The following EFCAB8 variants were observed in gnomAD, a reference collection of about 807,000 sequenced individuals.
EFCAB8 encodes EF-hand calcium-binding domain-containing protein 8.
EFCAB8 carries 100 observed loss-of-function variants against 116.3 expected under a neutral mutation model. That is an observed-to-expected ratio of 0.86 (90% CI 0.73 to 1.02). The LOEUF (loss-of-function observed/expected upper bound fraction) is 1.02, where lower values mean the gene tolerates loss of function less well. EFCAB8 is among the 50% of genes least tolerant of loss of function. The probability of loss-of-function intolerance (pLI) is 0.00; values close to 1 mark genes in which losing one functional copy is unlikely to be tolerated. For missense variants in EFCAB8, 1,320 were observed against 1,416.9 expected (o/e 0.93, Z 1.10); for synonymous variants, 558 against 567.9 (o/e 0.98, Z 0.25).
intron 21 of EFCAB8, among the ~76,000 whole-genome samples, 192 bp downstream of exon 21, chr20:32,930,808 C>T (rs1317794580): frequency 6.6e-6 from 1 of 152,134 alleles, no homozygotes; most frequent in Non-Finnish European, 1.5e-5. Context: ...TCAAAAAGCC[C>T]CTCTGAGAAG....
intron 23 of EFCAB8, among the ~76,000 whole-genome samples, chr20:32,944,201 G>A (rs998947287): frequency 2.0e-5 from 3 of 152,060 alleles, no homozygotes; most frequent in Admixed American, 6.6e-5. Context: ...AGGGCCAGGC[G>A]CGGTGGCTCA....
At chr20:32,897,103 G>A (rs941271568) in intron 10 of EFCAB8, among the ~76,000 whole-genome samples, 16 of 152,088 alleles carry the variant, frequency 1.1e-4, no homozygotes, top group Admixed American at 5.9e-4. Flanking sequence ...CCTTCAGGCC[G>A]CGGGGCTCTC....
At chr20:32,877,504 TG>T (rs771778459) in intron 4 of EFCAB8, among the ~76,000 whole-genome samples, 4 of 152,218 alleles carry the variant, frequency 2.6e-5, no homozygotes, top group Non-Finnish European at 5.9e-5. Context: ...CCATTGCACT[TG>T]GCGGTTTTTA....
In EFCAB8 at chr20:32,930,554, G is replaced by T. The variant is rs1353419016; in HGVS notation, c.2569G>T (p.Ala857Ser). Reference protein sequence around the residue: ...DLDNGDVVVGAMATDKNDWIL... With the variant: ...DLDNGDVVVGSMATDKNDWIL... ...AGACAATGGGGATGTTGTCGTGGGT[G>T]CCATGGCCACTGATAAAAATGACTG... Residue 857 changes from alanine to serine, a missense_variant, in exon 21 of 27, where the codon GCC becomes TCC. Coordinates refer to ENST00000400522, the MANE Select transcript of EFCAB8 (RefSeq NM_001143967.2). The T allele has an allele frequency of 3.2e-6, 5 of 1,552,250 alleles. No individual in the cohort carries two copies. The East Asian group carries it at 9.8e-5, about 30-fold the overall frequency.
At chr20:32,939,187 CT>C (rs1459924203) in intron 22 of EFCAB8, among the ~76,000 whole-genome samples, 2 of 67,598 alleles carry the variant, frequency 3.0e-5, no homozygotes, top group Admixed American at 1.5e-4. Context: ...TTCTTTCTTT[CT>C]TTCTTTCTTT....
chr20:32,958,617 T>TCTA, intron 24 of EFCAB8, 67 bp downstream of exon 24: 1 of 409,566 alleles, frequency 2.4e-6, no homozygotes, highest in Non-Finnish European at 4.5e-6. Flanking sequence ...TCTTCCCAGG[T>TCTA]CCTGGGAAGC....
intron 3 of EFCAB8, 127 bp from the exon 4 acceptor site, chr20:32,875,799 G>A (rs958790106): frequency 1.3e-5 from 10 of 754,998 alleles, no homozygotes; most frequent in South Asian, 1.1e-4. Flanking sequence ...ATGAGCCACC[G>A]CGCCTGGCCG....
chr20:32,862,333 G>A (rs1984156893), intron 1 of EFCAB8, among the ~76,000 whole-genome samples: 1 of 151,920 alleles, frequency 6.6e-6, no homozygotes, highest in African/African-American at 2.4e-5. Context: ...TCTCAATGTT[G>A]CCCAGGCTGG....
chr20:32,909,899 T>C lies in EFCAB8; in HGVS notation c.1525T>C (p.Cys509Arg). 8.0e-7 allele frequency: 1 copy of C among 1,249,896 alleles called. No individual in the cohort carries two copies. Among genetic ancestry groups the C allele is most frequent in the Non-Finnish European group, 1.0e-6 (1 of 988,278 alleles). The allele number at this position is 1,249,896 out of a possible 1,614,324, so 77.4% of individuals were successfully genotyped here. ...RKRTTHCSPLCAVLYSKIFKQ... is the reference protein window; with the variant it reads ...RKRTTHCSPLRAVLYSKIFKQ... ...GAGGACCACTCATTGCTCACCCCTGTGTGCTGTCCTCTACAGCAAGATCTT... is the reference window on the plus strand; with the variant it reads ...GAGGACCACTCATTGCTCACCCCTGCGTGCTGTCCTCTACAGCAAGATCTT... The change falls in exon 15 of 27, where the codon TGT (cysteine) becomes CGT (arginine). Residue 509 changes from cysteine (C) to arginine (R), a missense_variant. Transcript: ENST00000400522.
At chr20:32,932,765 T>C (rs1167849245) in intron 22 of EFCAB8, among the ~76,000 whole-genome samples, 2 of 152,244 alleles carry the variant, frequency 1.3e-5, no homozygotes, top group Non-Finnish European at 2.9e-5. Flanking sequence ...TTATTTCACA[T>C]ATGTGAAGGC....
In EFCAB8 at chr20:32,892,314, T is replaced by A; in HGVS notation, c.758+17T>A. On this transcript the variant is annotated intron_variant, in intron 8 of 26. Coordinates refer to ENST00000400522, the MANE Select transcript of EFCAB8 (RefSeq NM_001143967.2). Reference sequence around the variant, plus strand: ...GGACTACTGGTGAGTCTCCACTGGGTGTTCCTCACATGAACCAGGAGGCCC... The same window carrying A: ...GGACTACTGGTGAGTCTCCACTGGGAGTTCCTCACATGAACCAGGAGGCCC... The A allele has an allele frequency of 6.4e-7, 1 of 1,550,756 alleles. No homozygotes were observed.
chr20:32,888,095 G>T (rs960777336), intron 6 of EFCAB8, among the ~76,000 whole-genome samples: 4 of 150,676 alleles, frequency 2.7e-5, no homozygotes, highest in African/African-American at 9.8e-5. Flanking sequence ...ACTGGGTCTT[G>T]CTCTGTCACC....
rs1472497282 is a variant in EFCAB8, at chr20:32,898,714, G to T, written c.1088+91G>T. On this transcript the variant is annotated intron_variant, in intron 11 of 26. Transcript: ENST00000400522. ...ATGGGGGCTGACAGTGGCAGATGGTGGTTGGTGTATGGACTCTGGGGTTTA... is the reference window on the plus strand; with the variant it reads ...ATGGGGGCTGACAGTGGCAGATGGTTGTTGGTGTATGGACTCTGGGGTTTA... The T allele has an allele frequency of 3.1e-5, 21 of 678,532 alleles. No homozygotes were observed. The Admixed American group carries it at 4.1e-4, about 13-fold the overall frequency. The allele number at this position is 678,532 out of a possible 1,614,324, so 42.0% of individuals were successfully genotyped here.
chr20:32,907,840 C>A (rs1440791170), intron 13 of EFCAB8, among the ~76,000 whole-genome samples: 2 of 152,150 alleles, frequency 1.3e-5, no homozygotes, highest in Non-Finnish European at 2.9e-5. Flanking sequence ...GGGAAAGTTC[C>A]TCCACCTGGG....
chr20:32,961,519 G>T lies in EFCAB8; in HGVS notation c.3777G>T (p.Lys1259Asn), dbSNP rs1263515455. 6.3e-6 allele frequency: 9 copies of T among 1,424,386 alleles called. 1 individual carries two copies. The Middle Eastern group carries it at 5.5e-4, about 87-fold the overall frequency. The allele number at this position is 1,424,386 out of a possible 1,614,324, so 88.2% of individuals were successfully genotyped here. A position where few individuals can be genotyped will look rare whatever the true frequency, so the allele number is the denominator to read the frequency against. Residue 1259 changes from lysine to asparagine, a missense_variant, in exon 27 of 27, where the codon AAG becomes AAT. Coordinates refer to ENST00000400522, the MANE Select transcript of EFCAB8 (RefSeq NM_001143967.2). ...KSTLQGSVTP[K>N]HIVSSFERPP... ...CCCTGCAGGGGTCAGTGACCCCCAA[G>T]CACATTGTCTCCTCCTTCGAGCGGC...
rs187209522 is a variant in EFCAB8, at chr20:32,908,172, G to A, written c.1309-103G>A. 696 of 1,118,056 alleles carry A rather than the reference G, an allele frequency of 6.2e-4. 1 individual carries two copies. The highest frequency in any genetic ancestry group is 3.3e-4 in the Non-Finnish European group (293 of 876,646). 69.3% of individuals were successfully genotyped at this position (1,118,056 alleles called of 1,614,324 possible). ...GTGTGTTAGAAGTGCTTGGACGGAC[G>A]ATGTGCCCTGGCCTTGTTCGCCGGA... On this transcript the variant is annotated intron_variant, in intron 13 of 26. Coordinates refer to ENST00000400522, the MANE Select transcript of EFCAB8 (RefSeq NM_001143967.2).
At chr20:32,943,837 T>C (rs530321090) in intron 23 of EFCAB8, 33 bp downstream of exon 23, 1 of 416,718 alleles carries the variant, frequency 2.4e-6, no homozygotes, top group Admixed American at 4.4e-5. Flanking sequence ...GCCATGCCCA[T>C]GGCCCTTCTT....
chr20:32,899,229 C>CAAT (rs34439877), intron 11 of EFCAB8, among the ~76,000 whole-genome samples: 10,274 of 146,404 alleles, frequency 0.07, 686 homozygotes, highest in African/African-American at 0.18. Context: ...ACTAAAAATA[C>CAAT]AATAATAATA....
intron 11 of EFCAB8, 111 bp downstream of exon 11, chr20:32,898,734 G>C: frequency 3.2e-6 from 2 of 630,074 alleles, no homozygotes. Context: ...TGGACTCTGG[G>C]GTTTAGTTTT....
Sources: allele counts gnomAD v4.1 joint callset (sites outside exome capture counted in the v4.1 genomes callset), GRCh38; gene constraint gnomAD v4.1.1; transcripts MANE v1.5; gene names NCBI Gene and HGNC (gene_info 2026-07-23, HGNC 2026-07-21).